KLHL8: variants seen among roughly 807,000 people sequenced by gnomAD.
KLHL8 encodes kelch like family member 8, also known as kelch-like protein 8.
Under a neutral mutation model 63.5 loss-of-function variants are expected in KLHL8, and 38 were observed. The observed-to-expected ratio is 0.60, with a 90% confidence interval of 0.46 to 0.78. KLHL8 has a LOEUF of 0.78. Among genes scored for constraint, KLHL8 ranks in the 30% least tolerant of loss-of-function variants. The pLI is 0.00. For missense variants in KLHL8, 566 were observed against 752.4 expected (o/e 0.75, Z 2.90); for synonymous variants, 224 against 254.3 (o/e 0.88, Z 1.13).
chr4:87,163,671 C>A (rs1730261981), intron 9 of KLHL8, 29 bp from the exon 10 acceptor site: 1 of 1,611,602 alleles, frequency 6.2e-7, no homozygotes, highest in Non-Finnish European at 8.5e-7. Context: ...AAAAATGTTA[C>A]AAAGCATAAT....
At chr4:87,201,599 C>A (rs1731922463) in intron 1 of KLHL8, among the ~76,000 whole-genome samples, 2 of 152,150 alleles carry the variant, frequency 1.3e-5, no homozygotes, top group African/African-American at 4.8e-5. Context: ...TTCAAGTGCA[C>A]ATGGACCTAT....
chr4:87,187,899 T>C (rs554171457), intron 2 of KLHL8, among the ~76,000 whole-genome samples: 61 of 152,326 alleles, frequency 4.0e-4, no homozygotes, highest in African/African-American at 1.2e-3. Context: ...TAATAAACAG[T>C]TGTATCTCAT....
chr4:87,170,662 G>GA (rs760712758), intron 6 of KLHL8, 47 bp from the exon 7 acceptor site: 8 of 1,528,290 alleles, frequency 5.2e-6, no homozygotes, highest in South Asian at 1.2e-5. Context: ...TTGTTTCCAG[G>GA]AAAAAAAGTC....
intron 1 of KLHL8, among the ~76,000 whole-genome samples, chr4:87,219,049 C>T (rs1425353233): frequency 1.3e-5 from 2 of 152,284 alleles, no homozygotes; most frequent in Non-Finnish European, 2.9e-5. Context: ...TGAGACACCT[C>T]TTTTTATATT....
At position 87,163,960 on chromosome 4, in the gene KLHL8, T is replaced by C; in HGVS notation, c.1657A>G (p.Met553Val). The part of the protein sequence containing the change: ...PRGGVGIATV[M>V]GKIFAVGGHN... ...CCACCAACTGCAAAGATTTTGCCCA[T>C]CACTGTTGCGATTCCCACTCCACCT... The change falls in exon 9 of 10, where the codon ATG (methionine) becomes GTG (valine). Residue 553 changes from methionine to valine, a missense_variant. Met to Val is a conservative substitution (Grantham distance 21). Coordinates refer to ENST00000273963, the MANE Select transcript of KLHL8 (RefSeq NM_020803.5). The C allele has an allele frequency of 6.2e-7, 1 of 1,614,182 alleles. No individual in the cohort carries two copies. The highest frequency in any genetic ancestry group is 8.5e-7 in the Non-Finnish European group (1 of 1,180,032).
rs1191803417 is a variant in KLHL8 at position 87,161,886 on chromosome 4, G to A, written c.*1633C>T. 1.3e-5 allele frequency: 2 copies of A among 152,148 alleles called. No individual in the cohort carries two copies. Among genetic ancestry groups the A allele is most frequent in the Non-Finnish European group, 2.9e-5 (2 of 68,022 alleles). 9.4% of individuals were successfully genotyped at this position (152,148 alleles called of 1,614,324 possible). ...TACTGGATTTATATCTGCTTCATAA[G>A]AGACTTTTATCTGCCAGCCTGACCC... On this transcript the variant is annotated 3_prime_UTR_variant, in exon 10 of 10. Transcript: ENST00000273963.
chr4:87,171,399 G>A (rs759098280), intron 6 of KLHL8, among the ~76,000 whole-genome samples: 47 of 152,196 alleles, frequency 3.1e-4, no homozygotes, highest in African/African-American at 8.7e-4. Context: ...TATTATTATT[G>A]GAGAAAGCAG....
intron 5 of KLHL8, 136 bp downstream of exon 5, chr4:87,178,341 T>G (rs777616742): frequency 8.7e-6 from 8 of 917,004 alleles, no homozygotes; most frequent in African/African-American, 1.7e-5. Flanking sequence ...GCAAGTAAAT[T>G]ATCACTAACC....
chr4:87,201,085 C>G (rs1330090002), intron 1 of KLHL8, among the ~76,000 whole-genome samples: 1 of 152,044 alleles, frequency 6.6e-6, no homozygotes, highest in Non-Finnish European at 1.5e-5. Flanking sequence ...ATATCTGAAG[C>G]AGTCAAATTC....
At chr4:87,225,945 T>C (rs1481608284) in intron 1 of KLHL8, among the ~76,000 whole-genome samples, 1 of 152,168 alleles carries the variant, frequency 6.6e-6, no homozygotes, top group African/African-American at 2.4e-5. Flanking sequence ...CCTGCCTAGA[T>C]AGGGTTGAAT....
intron 1 of KLHL8, among the ~76,000 whole-genome samples, chr4:87,236,450 GC>G (rs1351175088): frequency 2.8e-4 from 42 of 151,754 alleles, no homozygotes; most frequent in Admixed American, 2.7e-3. Context: ...CTTATGATCT[GC>G]CCGCCTCGGC....
chr4:87,223,076 G>A (rs142108653), upstream of KLHL8, among the ~76,000 whole-genome samples: 281 of 151,978 alleles, frequency 1.8e-3, 1 homozygote, highest in African/African-American at 6.2e-3. Flanking sequence ...CCCACCTCCC[G>A]AGTAGCTGGA....
intron 1 of KLHL8, chr4:87,207,885 G>C: frequency 2.0e-6 from 3 of 1,528,656 alleles, no homozygotes; most frequent in Non-Finnish European, 2.7e-6. Flanking sequence ...AGACATCGGA[G>C]GGCCCCCTCA....
At chr4:87,226,583 C>A (rs182300974) in intron 1 of KLHL8, among the ~76,000 whole-genome samples, 19,085 of 82,470 alleles carry the variant, frequency 0.23, 2,519 homozygotes, top group Non-Finnish European at 0.24. Context: ...CTCTCTCTCT[C>A]TATATATATA....
intron 8 of KLHL8, chr4:87,167,196 C>A (rs1027044182): frequency 1.9e-6 from 1 of 537,118 alleles, no homozygotes; most frequent in Non-Finnish European, 3.6e-6. Flanking sequence ...TCCACCCCCA[C>A]ACTAAGTCTT....
chr4:87,220,377 G>A (rs1236257042), intron 1 of KLHL8, 41 bp downstream of exon 1: 1 of 151,912 alleles, frequency 6.6e-6, no homozygotes, highest in African/African-American at 2.4e-5. Context: ...AGGGGACTGA[G>A]GGGAGACGAG....
Position 87,226,333 on chromosome 4 carries a change from T to G in KLHL8, n.58-4943A>C, listed in dbSNP as rs1024284798. Among the ~76,000 whole-genome samples the G allele has an allele frequency of 1.7e-4, 25 of 151,448 alleles. 1 individual carries two copies. Among genetic ancestry groups the G allele is most frequent in the Admixed American group, 6.6e-5 (1 of 15,166 alleles). On this transcript the variant is annotated intron_variant and non_coding_transcript_variant, in intron 1 of 1. Transcript: ENST00000506274. ...ATCCCAGCACTTTGGGAAGCCAAGG[T>G]GGGTGGATCAGTTGAGGTCAGGAGT...
upstream of KLHL8, among the ~76,000 whole-genome samples, chr4:87,223,535 A>C (rs749653480): frequency 1.3e-4 from 20 of 152,162 alleles, no homozygotes; most frequent in Non-Finnish European, 2.1e-4. Flanking sequence ...GAGACTTAGG[A>C]TCTAGACTCG....
chr4:87,207,457 TTTG>T (rs768938617), intron 1 of KLHL8: 29 of 731,316 alleles, frequency 4.0e-5, no homozygotes, highest in Non-Finnish European at 6.0e-5. Context: ...CTCTCCCCAC[TTTG>T]TTGACGCCCC....
Sources: gnomAD v4.1 joint callset for allele counts (sites outside exome capture counted in the v4.1 genomes callset) on GRCh38, gnomAD v4.1.1 for gene constraint, MANE v1.5 for transcripts, NCBI Gene and HGNC (gene_info 2026-07-23, HGNC 2026-07-21) for gene names.